LIFR: variants seen among roughly 807,000 people sequenced by gnomAD.
LIFR encodes leukemia inhibitory factor receptor.
A neutral mutation model predicts 122.2 loss-of-function variants in LIFR; 84 were observed. The ratio of observed to expected loss-of-function variants is 0.69; its 90% CI spans 0.58 to 0.82. The LOEUF is 0.82. Ranked by LOEUF, LIFR falls within the 40% of genes least tolerant of loss-of-function variation. LIFR has a pLI of 0.00. For missense variants in LIFR, 1,294 were observed against 1,311.6 expected, an observed-to-expected ratio of 0.99 and a Z score of 0.21; for synonymous variants, 422 against 434.7, an observed-to-expected ratio of 0.97 and a Z score of 0.36.
At position 38,601,525 on chromosome 5, in the gene LIFR, A is replaced by G. The variant is rs913376394; in HGVS notation, n.305+4680T>C. On this transcript the variant is annotated intron_variant and non_coding_transcript_variant, in intron 2 of 3. Transcript: ENST00000507786. ...CTCTCCTGGACCCTGAGTTCCCGCC[A>G]TGGCATAGCTCTTACCTGGATTTGT... Among the ~76,000 whole-genome samples, 50 of 152,300 alleles carry G rather than the reference A, an allele frequency of 3.3e-4. 1 individual carries two copies. The highest frequency in any genetic ancestry group is 2.6e-4 in the Non-Finnish European group (18 of 68,022).
At chr5:38,588,999 CTTTT>C (rs70978896) in intron 1 of LIFR, among the ~76,000 whole-genome samples, 6 of 116,382 alleles carry the variant, frequency 5.2e-5, no homozygotes, top group Non-Finnish European at 5.5e-5. Context: ...TATGTTATTT[CTTTT>C]TTTTTTTTTT....
chr5:38,515,251 T>C (rs1746011053), intron 5 of LIFR, among the ~76,000 whole-genome samples: 1 of 152,140 alleles, frequency 6.6e-6, no homozygotes. Context: ...TCTCGGCTAT[T>C]TACCACACTC....
intron 8 of LIFR, 137 bp downstream of exon 8, chr5:38,506,365 TA>T: frequency 1.0e-6 from 1 of 993,962 alleles, no homozygotes; most frequent in Non-Finnish European, 1.6e-6. Context: ...GCAGTGCTTA[TA>T]AGTGTAATTT....
chr5:38,590,930 C>A (rs1333400168), intron 1 of LIFR, among the ~76,000 whole-genome samples: 1 of 152,134 alleles, frequency 6.6e-6, no homozygotes, highest in Non-Finnish European at 1.5e-5. Flanking sequence ...GGTGGTGAAG[C>A]AATGTTGAGA....
At chr5:38,599,833 T>G (rs1217738121), upstream of LIFR, among the ~76,000 whole-genome samples, 2 of 152,192 alleles carry the variant, frequency 1.3e-5, no homozygotes, top group African/African-American at 2.4e-5. Flanking sequence ...CTTCTGACCA[T>G]GTGAATGGCC....
chr5:38,556,789 C>A (rs968514296), upstream of LIFR: 6 of 148,212 alleles, frequency 4.0e-5, no homozygotes, highest in Non-Finnish European at 7.5e-5. Flanking sequence ...CGCCCGCGCG[C>A]GCGGGTGCTC....
chr5:38,573,375 C>A (rs376097952), intron 1 of LIFR, among the ~76,000 whole-genome samples: 3 of 152,260 alleles, frequency 2.0e-5, no homozygotes, highest in African/African-American at 4.8e-5. Context: ...ATAATGAATC[C>A]TACCTGTCTG....
chr5:38,530,596 T>C lies in LIFR; in HGVS notation c.52A>G (p.Lys18Glu), dbSNP rs1001617318. ...LKRPSWMVDNKRMRTASNFQW... is the reference protein window; with the variant it reads ...LKRPSWMVDNERMRTASNFQW... The stretch of plus-strand genomic sequence containing the variant: ...AAATTTGAAGCAGTCCTCATTCTTT[T>C]ATTGTCCACCATCCAGGATGGTCGT... Residue 18 changes from lysine (K) to glutamate (E), a missense_variant, in exon 2 of 20, where the codon AAA becomes GAA. Physicochemically the swap from Lys to Glu is moderately conservative, Grantham distance 56. Coordinates refer to ENST00000453190, the MANE Select transcript of LIFR (RefSeq NM_001127671.2). 6 of 1,612,826 alleles carry C rather than the reference T, an allele frequency of 3.7e-6. No homozygotes were observed. The African/African-American group carries it at 6.7e-5, about 18-fold the overall frequency.
At chr5:38,545,731 G>A (rs868501069) in intron 1 of LIFR, among the ~76,000 whole-genome samples, 2 of 151,500 alleles carry the variant, frequency 1.3e-5, no homozygotes, top group Non-Finnish European at 2.9e-5. Flanking sequence ...GCATGGTGGC[G>A]GGCGCCTGTA....
Position 38,481,233 on chromosome 5 carries a change from C to T in LIFR, c.*362G>A, listed in dbSNP as rs1005017. 0.66 allele frequency: 229,360 copies of T among 347,680 alleles called. 77,778 individuals carry two copies. Among genetic ancestry groups the T allele is most frequent in the African/African-American group, 0.87 (42,400 of 48,580 alleles). 21.5% of individuals were successfully genotyped at this position (347,680 alleles called of 1,614,324 possible). A position where few individuals can be genotyped will look rare whatever the true frequency, so the allele number is the denominator to read the frequency against. ...CACTTACAATTCCACCAAGTATACA[C>T]ATGAGAAAACCACAAACAACAGAAC... On this transcript the variant is annotated 3_prime_UTR_variant, in exon 20 of 20. Coordinates refer to ENST00000453190, the MANE Select transcript of LIFR (RefSeq NM_001127671.2).
chr5:38,587,189 C>T (rs546058585), intron 1 of LIFR, among the ~76,000 whole-genome samples: 1 of 146,864 alleles, frequency 6.8e-6, no homozygotes, highest in African/African-American at 2.5e-5. Flanking sequence ...CCTCTACAAA[C>T]ACACAAACAT....
In LIFR at chr5:38,577,748, A is replaced by G. The variant is rs149119976; in HGVS notation, c.-20+17513T>C. ...GCCCTTGATCTTCATTGGTAACAGA[A>G]CTTAATCTTTTTAAAGCAGATTGGT... On this transcript the variant is annotated intron_variant, in intron 1 of 19. Coordinates refer to the LIFR transcript ENST00000263409. Among the ~76,000 whole-genome samples the G allele has an allele frequency of 3.2e-3, 482 of 152,356 alleles. 11 individuals carry two copies. The East Asian group carries it at 0.041, about 13-fold the overall frequency.
intron 4 of LIFR, among the ~76,000 whole-genome samples, 179 bp downstream of exon 4, chr5:38,526,976 G>T (rs1329417403): frequency 6.6e-6 from 1 of 152,094 alleles, no homozygotes; most frequent in Non-Finnish European, 1.5e-5. Context: ...ATTTTGACTG[G>T]CCAGAAGAAA....
chr5:38,601,880 C>T (rs375891203), intron 2 of LIFR, among the ~76,000 whole-genome samples: 8 of 152,186 alleles, frequency 5.3e-5, no homozygotes, highest in Admixed American at 1.3e-4. Flanking sequence ...TGAAGCTATT[C>T]TCTTCTCCCC....
chr5:38,548,370 T>C (rs1211276111), intron 1 of LIFR, among the ~76,000 whole-genome samples: 1 of 152,208 alleles, frequency 6.6e-6, no homozygotes, highest in Non-Finnish European at 1.5e-5. Flanking sequence ...GGAGGCAATG[T>C]TTGTGTTCAG....
upstream of LIFR, chr5:38,558,699 A>G (rs984661049): frequency 1.3e-5 from 2 of 152,200 alleles, no homozygotes; most frequent in African/African-American, 4.8e-5. Flanking sequence ...TCGTGGTGGA[A>G]GGAGAAGCAA....
chr5:38,543,485 A>G (rs1747703592), intron 1 of LIFR, among the ~76,000 whole-genome samples: 1 of 152,210 alleles, frequency 6.6e-6, no homozygotes, highest in Non-Finnish European at 1.5e-5. Context: ...CAATAACAGT[A>G]AGAATGATGA....
intron 12 of LIFR, among the ~76,000 whole-genome samples, chr5:38,497,405 G>A (rs1744940091): frequency 6.6e-6 from 1 of 152,202 alleles, no homozygotes; most frequent in Admixed American, 6.5e-5. Context: ...TAAGCAGTAA[G>A]AGTACACAAA....
At chr5:38,516,130 A>C (rs986472376) in intron 5 of LIFR, among the ~76,000 whole-genome samples, 1 of 152,126 alleles carries the variant, frequency 6.6e-6, no homozygotes, top group Admixed American at 6.6e-5. Context: ...GTAAGGAATT[A>C]CTGCCTTGTC....
Sources: allele counts gnomAD v4.1 joint callset (sites outside exome capture counted in the v4.1 genomes callset), GRCh38; gene constraint gnomAD v4.1.1; transcripts MANE v1.5; gene names NCBI Gene and HGNC (gene_info 2026-07-23, HGNC 2026-07-21).